The following TTN variants were observed in gnomAD, a reference collection of about 807,000 sequenced individuals.
TTN encodes titin.
In TTN, 1,525 loss-of-function variants were observed where a neutral mutation model predicts 3,223.0. The ratio of observed to expected loss-of-function variants is 0.47; its 90% CI spans 0.45 to 0.49. TTN has a LOEUF of 0.49. Among genes scored for constraint, TTN ranks in the 20% least tolerant of loss-of-function variants. TTN has a pLI of 0.00. For missense variants in TTN, 40,786 were observed against 43,424.0 expected, an observed-to-expected ratio of 0.94 and a Z score of 5.40; for synonymous variants, 14,094 against 15,161.0, an observed-to-expected ratio of 0.93 and a Z score of 5.17.
chr2:178,565,503 T>G lies in TTN; in HGVS notation c.80629A>C (p.Thr26877Pro). The G allele has an allele frequency of 1.2e-6, 2 of 1,613,392 alleles. No homozygotes were observed. The highest frequency in any genetic ancestry group is 1.7e-6 in the Non-Finnish European group (2 of 1,179,574). ...LGVPVIAKDL[T>P]IQPSLKLPFN... ...GGTAACTTTAAACTAGGCTGTATAG[T>G]CAAGTCCTTGGCTATGACAGGAACA... is the stretch of plus-strand genomic sequence containing the variant. The change falls in exon 326 of 363, where the codon ACT becomes CCT. Residue 26877 changes from threonine (T) to proline (P), a missense_variant. Physicochemically the swap from Thr to Pro is conservative, Grantham distance 38. Transcript: ENST00000589042.
rs1060500492 is a variant in TTN, at chr2:178,591,318, A to T, written c.60407T>A (p.Leu20136His). ...TCTCCTTAAGCAGTTCTTAATGGTAAGTACTGATGAGAAGTTGTCTGTTTC... is the reference window on the plus strand; with the variant it reads ...TCTCCTTAAGCAGTTCTTAATGGTATGTACTGATGAGAAGTTGTCTGTTTC... ...TVETDNFSSV[L>H]TIKNCLRRDT... Residue 20136 changes from leucine (L) to histidine (H), a missense_variant, in exon 304 of 363, where the codon CTT (leucine) becomes CAT (histidine). Coordinates refer to ENST00000589042, the MANE Select transcript of TTN (RefSeq NM_001267550.2). 7 of 1,613,182 alleles carry T rather than the reference A, an allele frequency of 4.3e-6. No individual in the cohort carries two copies. The highest frequency in any genetic ancestry group is 5.9e-6 in the Non-Finnish European group (7 of 1,179,482).
Position 178,704,904 on chromosome 2 carries a change from A to G in TTN, c.29667T>C (p.Phe9889=), listed in dbSNP as rs1381357239. ...DEKEFEELVS[F]IQQRLSQTEP... ...CTGTCTGTGACAGTCTTTGCTGAAT[A>G]AATGATACAAGTTCCTCAAATTCCT... The change falls in exon 104 of 363, where the codon TTT becomes TTC. Residue 9889 remains phenylalanine (F), a synonymous_variant. Coordinates refer to ENST00000589042, the MANE Select transcript of TTN (RefSeq NM_001267550.2). 6.2e-7 allele frequency: 1 copy of G among 1,613,538 alleles called. No homozygotes were observed. Among genetic ancestry groups the G allele is most frequent in the Non-Finnish European group, 8.5e-7 (1 of 1,179,798 alleles).
In TTN at chr2:178,726,199, A is replaced by G; in HGVS notation, c.20276-153T>C. 3.4e-6 allele frequency: 3 copies of G among 880,848 alleles called. No homozygotes were observed. The South Asian group carries it at 8.7e-5, about 25-fold the overall frequency. 54.6% of individuals were successfully genotyped at this position (880,848 alleles called of 1,614,324 possible). On this transcript the variant is annotated intron_variant, in intron 69 of 362. Coordinates refer to ENST00000589042, the MANE Select transcript of TTN (RefSeq NM_001267550.2). ...ACTCTCATGGGATAACAGCCTCAGAAGCCATTTGCCTTCACAAGATAACCA... is the reference window on the plus strand; with the variant it reads ...ACTCTCATGGGATAACAGCCTCAGAGGCCATTTGCCTTCACAAGATAACCA...
At chr2:178,749,393 A>C in intron 47 of TTN, 1 of 1,613,082 alleles carries the variant, frequency 6.2e-7, no homozygotes, top group Non-Finnish European at 8.5e-7. Context: ...ACCATGCACA[A>C]ATCTGGGAAT....
chr2:178,570,470 T>C lies in TTN; in HGVS notation c.75662A>G (p.Lys25221Arg), dbSNP rs745540831. Reference protein sequence around the residue: ...PVVISGVTAEKCTLAWKPPLQ... With the variant: ...PVVISGVTAERCTLAWKPPLQ... ...TGGGGGTTTCCAAGCTAGTGTGCAT[T>C]TTTCTGCTGTAACTCCTGAGATAAC... is the stretch of plus-strand genomic sequence containing the variant. Residue 25221 changes from lysine to arginine, a missense_variant, in exon 326 of 363, where the codon AAA (lysine) becomes AGA (arginine). Coordinates refer to ENST00000589042, the MANE Select transcript of TTN (RefSeq NM_001267550.2). 1.2e-6 allele frequency: 2 copies of C among 1,613,142 alleles called. No homozygotes were observed. The highest frequency in any genetic ancestry group is 2.7e-5 in the African/African-American group (2 of 74,860).
rs966303360 is a variant in TTN at position 178,744,734 on chromosome 2, A to T, written c.11312-2813T>A. 3 of 984,510 alleles carry T rather than the reference A, an allele frequency of 3.0e-6. No individual in the cohort carries two copies. The Admixed American group carries it at 1.8e-4, about 61-fold the overall frequency. The allele number at this position is 984,510 out of a possible 1,614,324, so 61.0% of individuals were successfully genotyped here. A position where few individuals can be genotyped will look rare whatever the true frequency, so the allele number is the denominator to read the frequency against. ...ATTCTGAAATCAGAATACAGTTTTAAAATCTATATGTAAACACAATATGAT... is the reference window on the plus strand; with the variant it reads ...ATTCTGAAATCAGAATACAGTTTTATAATCTATATGTAAACACAATATGAT... On this transcript the variant is annotated intron_variant, in intron 47 of 362. Transcript: ENST00000589042.
At chr2:178,677,995 G>T (rs2068489119) in intron 145 of TTN, 78 bp from the exon 146 acceptor site, 2 of 1,560,406 alleles carry the variant, frequency 1.3e-6, no homozygotes, top group Non-Finnish European at 8.6e-7. Context: ...CTTATGAAAG[G>T]CAAATATTCT....
chr2:178,796,209 T>G (rs895751642), intron 6 of TTN, among the ~76,000 whole-genome samples: 1 of 152,182 alleles, frequency 6.6e-6, no homozygotes, highest in Admixed American at 6.5e-5. Flanking sequence ...AAGGTAAAAT[T>G]TTTTTCAGAA....
chr2:178,759,218 G>GATTTTTAC (rs753534463), intron 43 of TTN, 46 bp from the exon 44 acceptor site: 2 of 1,594,184 alleles, frequency 1.3e-6, no homozygotes, highest in Non-Finnish European at 1.7e-6. Context: ...AAAATGAGTG[G>GATTTTTAC]ATTTTTACAA....
In TTN at chr2:178,543,452, A is replaced by G. The variant is rs749585164; in HGVS notation, c.96521T>C (p.Met32174Thr). ...TTCTGGCAGCACTCTGAAATAGTAC[A>G]TGGTTCCTTCTACAAGTCCAGAAAT... ...YRISGLVEGT[M>T]YYFRVLPENI... is the part of the protein sequence containing the mutation. Residue 32174 changes from methionine (M) to threonine (T), a missense_variant, in exon 347 of 363, where the codon ATG becomes ACG. Transcript: ENST00000589042. 40 of 1,613,734 alleles carry G rather than the reference A, an allele frequency of 2.5e-5. 1 individual carries two copies. In the East Asian group the frequency reaches 7.8e-4, roughly 31 times the overall value.
At chr2:178,641,687 A>C (rs78619854) in intron 219 of TTN, among the ~76,000 whole-genome samples, 6,406 of 152,000 alleles carry the variant, frequency 0.042, 193 homozygotes, top group Admixed American at 0.062. Context: ...TTAAGCAGAG[A>C]TATCTGAAGA....
chr2:178,745,459 G>A, intron 47 of TTN: 2 of 1,498,182 alleles, frequency 1.3e-6, no homozygotes, highest in Non-Finnish European at 1.8e-6. Context: ...TTCTTTAGGG[G>A]TCTCCAAGGT....
chr2:178,694,563 A>T (rs1443265616), intron 117 of TTN, 36 bp downstream of exon 117: 1 of 1,513,950 alleles, frequency 6.6e-7, no homozygotes, highest in Non-Finnish European at 8.9e-7. Flanking sequence ...AAATAAAAAA[A>T]TTTTGAACTT....
intron 1 of TTN, among the ~76,000 whole-genome samples, chr2:178,805,612 T>C (rs1333605835): frequency 6.6e-6 from 1 of 152,190 alleles, no homozygotes; most frequent in Non-Finnish European, 1.5e-5. Flanking sequence ...TGCTTTCTAT[T>C]TCTTAACATT....
chr2:178,616,960 G>A lies in TTN; in HGVS notation c.47929C>T (p.Pro15977Ser). The A allele has an allele frequency of 6.2e-7, 1 of 1,612,608 alleles. No individual in the cohort carries two copies. The highest frequency in any genetic ancestry group is 2.2e-5 in the East Asian group (1 of 44,728). Residue 15977 changes from proline to serine, a missense_variant, in exon 256 of 363, where the codon CCA (proline) becomes TCA (serine). Physicochemically the swap from Pro to Ser is moderately conservative, Grantham distance 74 (BLOSUM62 -1). Transcript: ENST00000589042. ...GGAACCAGGATCGTGATAGGATTTG[G>A]GACAATAACTTCCAGACCATCTTTA... is the stretch of plus-strand genomic sequence containing the variant. ...AFKDGLEVIV[P>S]NPITILVPST...
chr2:178,699,127 T>C (rs1381442966), intron 111 of TTN, among the ~76,000 whole-genome samples: 1 of 152,010 alleles, frequency 6.6e-6, no homozygotes, highest in Admixed American at 6.6e-5. Flanking sequence ...AAATGTACTG[T>C]GATCTTACAT....
In TTN at chr2:178,775,544, G is replaced by C; in HGVS notation, c.6320C>G (p.Pro2107Arg). ...FRVRVVGKPD[P>R]ECEWYKNGVK... is the part of the protein sequence containing the mutation. The stretch of plus-strand genomic sequence containing the variant: ...ACCATTTTTGTACCATTCACATTCG[G>C]GGTCTGGTTTCCCCACGACTCTGAC... Residue 2107 changes from proline (P) to arginine (R), a missense_variant, in exon 28 of 363, where the codon CCC (proline) becomes CGC (arginine). Coordinates refer to ENST00000589042, the MANE Select transcript of TTN (RefSeq NM_001267550.2). 1 of 1,613,938 alleles carries C rather than the reference G, an allele frequency of 6.2e-7. No individual in the cohort carries two copies. The highest frequency in any genetic ancestry group is 2.2e-5 in the East Asian group (1 of 44,820).
In TTN at chr2:178,644,372, C is replaced by T. The variant is rs1251483306; in HGVS notation, c.40477+176G>A. The T allele has an allele frequency of 8.2e-6, 4 of 490,762 alleles. No homozygotes were observed. The Admixed American group carries it at 1.7e-4, about 21-fold the overall frequency. The allele number at this position is 490,762 out of a possible 1,614,324, so 30.4% of individuals were successfully genotyped here. A position where few individuals can be genotyped will look rare whatever the true frequency, so the allele number is the denominator to read the frequency against. ...ATACATGTATGAAATGGATGGGAGA[C>T]AAAGGAAGCAACACTCATGAGCCAG... On this transcript the variant is annotated intron_variant, in intron 218 of 362. Coordinates refer to ENST00000589042, the MANE Select transcript of TTN (RefSeq NM_001267550.2).
rs879125672 is a variant in TTN, at chr2:178,573,327, A to C, written c.72805T>G (p.Trp24269Gly). 6.4e-7 allele frequency: 1 copy of C among 1,553,536 alleles called. No homozygotes were observed. Among genetic ancestry groups the C allele is most frequent in the Non-Finnish European group, 8.7e-7 (1 of 1,151,520 alleles). The change falls in exon 326 of 363, where the codon TGG becomes GGG. Residue 24269 changes from tryptophan (W) to glycine (G), a missense_variant. By Grantham distance (184) the Trp-to-Gly change is radical (BLOSUM62 -2). Coordinates refer to ENST00000589042, the MANE Select transcript of TTN (RefSeq NM_001267550.2). ...VERRDKAGQR[W>G]IKCNKKTLTD... Reference sequence around the variant, plus strand: ...AGAGTTTTTTTGTTGCATTTAATCCAGCGTTGGCCAGCTTTATCACGCCGT... The same window carrying C: ...AGAGTTTTTTTGTTGCATTTAATCCCGCGTTGGCCAGCTTTATCACGCCGT...
Sources: allele counts gnomAD v4.1 joint callset (sites outside exome capture counted in the v4.1 genomes callset), GRCh38; gene constraint gnomAD v4.1.1; transcripts MANE v1.5; gene names NCBI Gene and HGNC (gene_info 2026-07-23, HGNC 2026-07-21).